TCF4: variants seen among roughly 807,000 people sequenced by gnomAD.
TCF4 encodes transcription factor 4.
A neutral mutation model predicts 82.1 loss-of-function variants in TCF4; 3 were observed. The observed-to-expected ratio is 0.04, with a 90% CI of 0.02 to 0.09. TCF4 has a LOEUF of 0.09. Among genes scored for constraint, TCF4 ranks in the 10% least tolerant of loss-of-function variants. TCF4 has a pLI of 1.00. For missense variants in TCF4, 518 were observed against 852.7 expected (o/e 0.61, Z 4.89); for synonymous variants, 276 against 309.6 (o/e 0.89, Z 1.14).
chr18:55,234,190 T>C (rs1324409643), intron 16 of TCF4, among the ~76,000 whole-genome samples: 6 of 152,168 alleles, frequency 3.9e-5, no homozygotes, highest in Non-Finnish European at 8.8e-5. Flanking sequence ...AACAATTTCC[T>C]TCCTTCCTAT....
intron 9 of TCF4, 84 bp from the exon 10 acceptor site, chr18:55,275,836 G>A: frequency 1.3e-6 from 2 of 1,534,830 alleles, no homozygotes; most frequent in African/African-American, 1.4e-5. Context: ...ACTTGAAAAT[G>A]ACTGCCTGTT....
intron 5 of TCF4, among the ~76,000 whole-genome samples, chr18:55,446,800 C>A (rs1228433288): frequency 6.6e-6 from 1 of 151,796 alleles, no homozygotes; most frequent in Non-Finnish European, 1.5e-5. Context: ...CTGGCTAACA[C>A]GGTGAAACCC....
intron 8 of TCF4, among the ~76,000 whole-genome samples, chr18:55,280,491 T>C (rs575204420): frequency 2.0e-4 from 31 of 152,286 alleles, no homozygotes; most frequent in African/African-American, 7.0e-4. Context: ...ATTCATAAGG[T>C]ATAGTTTAAC....
intron 8 of TCF4, among the ~76,000 whole-genome samples, chr18:55,303,643 A>G (rs1216658780): frequency 2.6e-5 from 4 of 152,202 alleles, no homozygotes. Context: ...TAAGGACAAC[A>G]GTGCAATAAA....
chr18:55,561,781 T>C (rs2097357365), intron 3 of TCF4, among the ~76,000 whole-genome samples: 1 of 152,152 alleles, frequency 6.6e-6, no homozygotes, highest in South Asian at 2.1e-4. Context: ...CAAAAATCCC[T>C]CATACAAGAA....
chr18:55,609,796 C>T (rs1386889632), intron 2 of TCF4, among the ~76,000 whole-genome samples: 1 of 152,012 alleles, frequency 6.6e-6, no homozygotes, highest in Admixed American at 6.6e-5. Context: ...GCACTTTTTC[C>T]CTAAATATCT....
chr18:55,593,077 A>AT (rs2097687321), upstream of TCF4, among the ~76,000 whole-genome samples: 1 of 152,152 alleles, frequency 6.6e-6, no homozygotes. Context: ...TGTCATTAAC[A>AT]TTTTTTTCTA....
intron 3 of TCF4, among the ~76,000 whole-genome samples, chr18:55,487,067 T>A (rs1334164492): frequency 6.6e-6 from 1 of 152,168 alleles, no homozygotes; most frequent in African/African-American, 2.4e-5. Flanking sequence ...TAAAATTCCT[T>A]AGGCTAGCAT....
chr18:55,416,958 A>G (rs1415960542), intron 5 of TCF4, among the ~76,000 whole-genome samples: 2 of 152,204 alleles, frequency 1.3e-5, no homozygotes, highest in Non-Finnish European at 2.9e-5. Context: ...AGTGAAATGC[A>G]AGAAAGGAGC....
chr18:55,250,057 G>C (rs2054550290), intron 15 of TCF4, among the ~76,000 whole-genome samples: 3 of 152,208 alleles, frequency 2.0e-5, no homozygotes, highest in Admixed American at 1.3e-4. Context: ...TACTTGGTAA[G>C]AGTTTCTAAC....
intron 3 of TCF4, among the ~76,000 whole-genome samples, chr18:55,516,369 T>C (rs1275420456): frequency 1.3e-5 from 2 of 152,032 alleles, no homozygotes; most frequent in African/African-American, 2.4e-5. Context: ...AATAATATAC[T>C]GTCTGGTTTT....
intron 19 of TCF4, 33 bp from the exon 20 acceptor site, chr18:55,228,063 T>A (rs2046835859): frequency 1.1e-6 from 1 of 915,752 alleles, no homozygotes; most frequent in Non-Finnish European, 1.6e-6. Flanking sequence ...AAAAATTCAT[T>A]AATATATTTG....
At chr18:55,302,738 C>T (rs2068727439) in intron 8 of TCF4, 1 of 886,566 alleles carries the variant, frequency 1.1e-6, no homozygotes, top group Non-Finnish European at 1.6e-6. Flanking sequence ...CCCAGCCACC[C>T]AAATGACCAG....
At chr18:55,312,493 T>G (rs2072840901) in intron 8 of TCF4, among the ~76,000 whole-genome samples, 1 of 152,140 alleles carries the variant, frequency 6.6e-6, no homozygotes, top group South Asian at 2.1e-4. Flanking sequence ...AAGAAACAAT[T>G]CCGTATGGTT....
At chr18:55,594,257 T>G (rs2097688621) in intron 2 of TCF4, among the ~76,000 whole-genome samples, 1 of 152,194 alleles carries the variant, frequency 6.6e-6, no homozygotes, top group African/African-American at 2.4e-5. Context: ...AACTATTCTG[T>G]CTAAAGTAAG....
At chr18:55,370,261 C>A (rs1427575946) in intron 6 of TCF4, among the ~76,000 whole-genome samples, 2 of 152,078 alleles carry the variant, frequency 1.3e-5, no homozygotes, top group African/African-American at 2.4e-5. Flanking sequence ...AAAAAATTAG[C>A]CAGGTATGGT....
At chr18:55,421,601 T>C (rs922438824) in intron 5 of TCF4, among the ~76,000 whole-genome samples, 2 of 152,252 alleles carry the variant, frequency 1.3e-5, no homozygotes, top group African/African-American at 4.8e-5. Flanking sequence ...ATAAACGTTA[T>C]AATTTATAAA....
chr18:55,385,284 G>A (rs960184381), intron 6 of TCF4, among the ~76,000 whole-genome samples: 1 of 152,126 alleles, frequency 6.6e-6, no homozygotes, highest in Non-Finnish European at 1.5e-5. Context: ...GATTTAGTTG[G>A]GAACTTGCAT....
intron 11 of TCF4, among the ~76,000 whole-genome samples, chr18:55,262,296 A>G (rs1048921028): frequency 2.6e-5 from 4 of 152,174 alleles, no homozygotes; most frequent in Non-Finnish European, 5.9e-5. Context: ...ATACAATTCA[A>G]AGCCAGCTTT....
Sources: allele counts gnomAD v4.1 joint callset (sites outside exome capture counted in the v4.1 genomes callset), GRCh38; gene constraint gnomAD v4.1.1; transcripts MANE v1.5; gene names NCBI Gene and HGNC (gene_info 2026-07-23, HGNC 2026-07-21).